The following RP1 variants were observed in gnomAD, a reference collection of about 807,000 sequenced individuals.
RP1 encodes RP1 axonemal microtubule associated.
Under a neutral mutation model 14.8 loss-of-function variants are expected in RP1, and 16 were observed. The observed-to-expected ratio is 1.08, with a 90% CI of 0.73 to 1.65. RP1 has a LOEUF of 1.65. RP1 is among the 40% of genes most tolerant of loss of function. RP1 has a pLI of 0.00. For missense variants in RP1, 2,631 were observed against 2,535.0 expected (o/e 1.04, Z -0.81); for synonymous variants, 876 against 883.6 (o/e 0.99, Z 0.15).
chr8:54,670,640 G>A (rs1807150959), intron 7 of RP1, among the ~76,000 whole-genome samples: 1 of 105,850 alleles, frequency 9.4e-6, no homozygotes, highest in African/African-American at 3.6e-5. Context: ...GATGTTAGGT[G>A]CACATATATT....
intron 23 of RP1, among the ~76,000 whole-genome samples, chr8:54,777,659 A>C (rs1585683601): frequency 1.3e-5 from 2 of 152,188 alleles, no homozygotes; most frequent in African/African-American, 4.8e-5. Context: ...ATTAAAAAAA[A>C]TCTCATGATC....
intron 1 of RP1, among the ~76,000 whole-genome samples, chr8:54,576,452 C>G (rs951514656): frequency 6.6e-6 from 1 of 152,224 alleles, no homozygotes; most frequent in Non-Finnish European, 1.5e-5. Flanking sequence ...TCTACTCTTG[C>G]ATTACTTACC....
chr8:54,868,899 A>AG (rs1476888289), intron 28 of RP1, among the ~76,000 whole-genome samples: 2 of 152,104 alleles, frequency 1.3e-5, no homozygotes, highest in Admixed American at 1.3e-4. Context: ...CAAGATATAG[A>AG]GGGGTTACAT....
intron 1 of RP1, among the ~76,000 whole-genome samples, chr8:54,578,324 A>G (rs984946843): frequency 5.3e-5 from 8 of 152,190 alleles, no homozygotes; most frequent in African/African-American, 1.9e-4. Context: ...CTCTTGTCTC[A>G]GCCTCCTGAA....
At chr8:54,731,230 A>G (rs561450036) in intron 17 of RP1, among the ~76,000 whole-genome samples, 1 of 152,250 alleles carries the variant, frequency 6.6e-6, no homozygotes, top group South Asian at 2.1e-4. Context: ...AAGTAGATTA[A>G]CATTTTTTGT....
chr8:54,609,596 G>A (rs1030252574), intron 1 of RP1, among the ~76,000 whole-genome samples: 2 of 152,106 alleles, frequency 1.3e-5, no homozygotes, highest in African/African-American at 4.8e-5. Context: ...CTCCTCTTCT[G>A]GTCCTCCTTT....
chr8:54,747,193 G>T (rs960044702), intron 19 of RP1, among the ~76,000 whole-genome samples: 9 of 152,002 alleles, frequency 5.9e-5, no homozygotes, highest in African/African-American at 2.2e-4. Flanking sequence ...TCAGTATCCA[G>T]ATTTCAAAGA....
At chr8:54,762,875 TG>T (rs1202313580) in intron 22 of RP1, among the ~76,000 whole-genome samples, 1 of 152,216 alleles carries the variant, frequency 6.6e-6, no homozygotes, top group East Asian at 1.9e-4. Flanking sequence ...CTCCAGCCTC[TG>T]CTCCGTTGTC....
chr8:54,658,657 C>G (rs1033262997), intron 6 of RP1, among the ~76,000 whole-genome samples: 4 of 151,610 alleles, frequency 2.6e-5, no homozygotes, highest in Non-Finnish European at 5.9e-5. Flanking sequence ...CTTCCACCTT[C>G]TACCTATTGT....
intron 24 of RP1, among the ~76,000 whole-genome samples, chr8:54,834,804 T>C (rs1313269305): frequency 1.3e-5 from 2 of 152,062 alleles, no homozygotes; most frequent in African/African-American, 4.8e-5. Context: ...AAAGCTATAG[T>C]ATTTCCTTGA....
intron 7 of RP1, among the ~76,000 whole-genome samples, chr8:54,671,549 TTGA>T (rs1384226250): frequency 3.3e-5 from 5 of 152,108 alleles, no homozygotes; most frequent in Admixed American, 6.6e-5. Context: ...TGCTCCTGTC[TTGA>T]TGATTTCAAG....
intron 15 of RP1, among the ~76,000 whole-genome samples, chr8:54,715,571 C>A (rs1395861673): frequency 6.6e-6 from 1 of 152,120 alleles, no homozygotes; most frequent in East Asian, 1.9e-4. Flanking sequence ...AATTGGTAAT[C>A]CCTTTCAAGT....
chr8:54,639,027 A>C (rs955902901), intron 3 of RP1, among the ~76,000 whole-genome samples: 2 of 152,138 alleles, frequency 1.3e-5, no homozygotes, highest in Admixed American at 1.3e-4. Context: ...CCACTATAGT[A>C]AGATAATGGA....
chr8:54,696,874 G>A (rs1203569707), intron 12 of RP1: 1 of 771,800 alleles, frequency 1.3e-6, no homozygotes, highest in Non-Finnish European at 2.3e-6. Context: ...GACAAGCCAA[G>A]GTCAAGAATA....
intron 25 of RP1, among the ~76,000 whole-genome samples, chr8:54,851,062 T>C (rs755824375): frequency 6.6e-6 from 1 of 152,250 alleles, no homozygotes; most frequent in Non-Finnish European, 1.5e-5. Context: ...TGTGTGTGTG[T>C]GTGTGCGTGC....
chr8:54,626,927 T>G lies in RP1; in HGVS notation c.3045T>G (p.Ala1015=). 2 of 1,613,940 alleles carry G rather than the reference T, an allele frequency of 1.2e-6. No individual in the cohort carries two copies. The highest frequency in any genetic ancestry group is 1.7e-6 in the Non-Finnish European group (2 of 1,179,926). The change falls in exon 4 of 4, where the codon GCT becomes GCG. Residue 1015 remains alanine (A), a synonymous_variant. Coordinates refer to ENST00000220676, the MANE Select transcript of RP1 (RefSeq NM_006269.2). ...CACAGGTTGGATCTCTGAATGATGC[T>G]TATTTGGTTCCCCTGCATGAACACT... ...HETQVGSLND[A]YLVPLHEHCT...
At chr8:54,691,847 G>A (rs1188481737) in intron 12 of RP1, among the ~76,000 whole-genome samples, 1 of 151,496 alleles carries the variant, frequency 6.6e-6, no homozygotes, top group Non-Finnish European at 1.5e-5. Flanking sequence ...TTAAGTTTTA[G>A]GGTACATGTG....
chr8:54,710,403 G>T lies in RP1; in HGVS notation c.2211+3748G>T, dbSNP rs546071047. 5.9e-5 allele frequency among the ~76,000 whole-genome samples: 9 copies of T among 152,306 alleles called. No homozygotes were observed. In the South Asian group the frequency reaches 1.7e-3, roughly 28 times the overall value. On this transcript the variant is annotated intron_variant, in intron 15 of 22. Transcript: ENST00000636932. ...CTGCAACCCCAAGGTCCCAGAAGGG[G>T]TGTGTTACAATGCTCTGTTAGTCCC...
At chr8:54,633,737 CTATATATA>C (rs59614361), downstream of RP1, among the ~76,000 whole-genome samples, 4 of 118,806 alleles carry the variant, frequency 3.4e-5, no homozygotes, top group African/African-American at 1.3e-4. Context: ...CTCTCTCTCT[CTATATATA>C]TATATATATA....
Sources: gnomAD v4.1 joint callset for allele counts (sites outside exome capture counted in the v4.1 genomes callset) on GRCh38, gnomAD v4.1.1 for gene constraint, MANE v1.5 for transcripts, NCBI Gene and HGNC (gene_info 2026-07-23, HGNC 2026-07-21) for gene names.